Variants in CPQ observed in about 807,000 individuals in gnomAD.
CPQ encodes Ser-Met dipeptidase.
CPQ carries 37 observed loss-of-function variants against 45.7 expected under a neutral mutation model. That is an observed-to-expected ratio of 0.81 (90% CI 0.62 to 1.07). The LOEUF (loss-of-function observed/expected upper bound fraction) is 1.07. Among genes scored for constraint, CPQ ranks in the 50% least tolerant of loss-of-function variants. The pLI is 0.00. For synonymous variants in CPQ, 186 were observed against 205.8 expected (o/e 0.90, Z 0.82); for missense variants, 537 against 572.9 (o/e 0.94, Z 0.64).
chr8:96,688,867 G>A (rs895623448), intron 1 of CPQ, among the ~76,000 whole-genome samples: 1 of 152,098 alleles, frequency 6.6e-6, no homozygotes, highest in African/African-American at 2.4e-5. Flanking sequence ...ATGTTAATAA[G>A]TCCAGAAGTA....
chr8:96,777,036 C>T (rs952007834), intron 1 of CPQ, among the ~76,000 whole-genome samples: 1 of 151,942 alleles, frequency 6.6e-6, no homozygotes, highest in Non-Finnish European at 1.5e-5. Context: ...TTCAAATAGT[C>T]CTATAATTGC....
intron 1 of CPQ, chr8:96,760,929 T>G (rs1283254334): frequency 6.6e-5 from 10 of 152,182 alleles, no homozygotes; most frequent in African/African-American, 2.2e-4. Context: ...ATGGAACTTG[T>G]AATTATGTCA....
At chr8:96,713,665 G>A (rs113701679) in intron 1 of CPQ, among the ~76,000 whole-genome samples, 3,653 of 152,236 alleles carry the variant, frequency 0.024, 160 homozygotes, top group African/African-American at 0.083. Flanking sequence ...TCCTTCCACA[G>A]TGCATGGGGA....
chr8:96,782,077 T>TG (rs1286815108), intron 1 of CPQ, among the ~76,000 whole-genome samples: 1 of 152,192 alleles, frequency 6.6e-6, no homozygotes, highest in African/African-American at 2.4e-5. Context: ...GCTGGCTTTG[T>TG]GTGCTGGTAT....
chr8:97,058,145 G>C (rs1197702642), intron 6 of CPQ, among the ~76,000 whole-genome samples: 1 of 152,102 alleles, frequency 6.6e-6, no homozygotes, highest in African/African-American at 2.4e-5. Flanking sequence ...CTGTAGGCTA[G>C]AGAAAGAAAA....
At chr8:97,008,679 T>C (rs1326382232) in intron 5 of CPQ, among the ~76,000 whole-genome samples, 2 of 152,168 alleles carry the variant, frequency 1.3e-5, no homozygotes, top group Non-Finnish European at 2.9e-5. Context: ...TGCCCATTAT[T>C]ATATATGTGA....
intron 3 of CPQ, among the ~76,000 whole-genome samples, chr8:96,853,282 G>T (rs539676747): frequency 1.1e-3 from 163 of 152,292 alleles, no homozygotes; most frequent in Middle Eastern, 6.8e-3. Context: ...AAAATTCAAG[G>T]CCAGGGCGCT....
chr8:96,805,337 C>T (rs1213279836), intron 2 of CPQ, among the ~76,000 whole-genome samples: 1 of 152,110 alleles, frequency 6.6e-6, no homozygotes, highest in East Asian at 1.9e-4. Flanking sequence ...AATGCTTCCC[C>T]TCTTTTAAAT....
intron 4 of CPQ, among the ~76,000 whole-genome samples, chr8:96,916,515 T>A (rs1310349353): frequency 1.3e-5 from 2 of 152,170 alleles, no homozygotes; most frequent in Non-Finnish European, 2.9e-5. Context: ...AGTTTTAAAT[T>A]TACTGAATTT....
chr8:96,863,153 A>T (rs934196387), intron 3 of CPQ, among the ~76,000 whole-genome samples: 5 of 152,126 alleles, frequency 3.3e-5, no homozygotes, highest in African/African-American at 9.7e-5. Context: ...ATAAATGAAT[A>T]AGAACTTAGT....
chr8:96,970,346 T>G (rs1389758354), intron 5 of CPQ, among the ~76,000 whole-genome samples: 1 of 152,176 alleles, frequency 6.6e-6, no homozygotes, highest in African/African-American at 2.4e-5. Context: ...AGAGCTAGCA[T>G]TGACTGAAGA....
chr8:97,102,980 T>C (rs1811340339), intron 7 of CPQ, among the ~76,000 whole-genome samples: 1 of 152,182 alleles, frequency 6.6e-6, no homozygotes, highest in East Asian at 1.9e-4. Flanking sequence ...TCTATTTCCT[T>C]GCCTTCTAGT....
chr8:96,743,979 C>T (rs1431189916), intron 1 of CPQ, among the ~76,000 whole-genome samples: 2 of 152,234 alleles, frequency 1.3e-5, no homozygotes, highest in Non-Finnish European at 2.9e-5. Context: ...GCAGGCAGGC[C>T]TCCTTGAGCT....
At chr8:96,802,264 T>A (rs1347748358) in intron 2 of CPQ, among the ~76,000 whole-genome samples, 6 of 152,332 alleles carry the variant, frequency 3.9e-5, no homozygotes, top group Middle Eastern at 3.4e-3. Context: ...TAATTAGAGC[T>A]TCTATCTTTT....
chr8:97,133,056 G>A (rs1285203158), intron 7 of CPQ: 2 of 152,154 alleles, frequency 1.3e-5, no homozygotes, highest in African/African-American at 4.8e-5. Flanking sequence ...TGAACCTAGA[G>A]TCATGTGGAA....
Position 96,873,262 on chromosome 8 carries a change from T to C in CPQ, c.642-6536T>C, listed in dbSNP as rs537451109. On this transcript the variant is annotated intron_variant, in intron 3 of 7. Coordinates refer to ENST00000220763, the MANE Select transcript of CPQ (RefSeq NM_016134.4). ...GCCATTTCAAATGAATCATAAAAAT[T>C]AGGAAGGAAATTTAGTCCCATCTCC... is the stretch of plus-strand genomic sequence containing the variant. 8.8e-4 allele frequency among the ~76,000 whole-genome samples: 133 copies of C among 151,972 alleles called. 1 individual carries two copies. The highest frequency in any genetic ancestry group is 2.9e-3 in the South Asian group (14 of 4,834).
At chr8:97,026,909 A>G (rs1809808068) in intron 5 of CPQ, among the ~76,000 whole-genome samples, 1 of 152,252 alleles carries the variant, frequency 6.6e-6, no homozygotes, top group African/African-American at 2.4e-5. Flanking sequence ...TTTGCTTTTA[A>G]AAAATGAATA....
intron 4 of CPQ, among the ~76,000 whole-genome samples, chr8:96,902,547 G>T (rs1270046687): frequency 6.6e-6 from 1 of 152,198 alleles, no homozygotes; most frequent in Non-Finnish European, 1.5e-5. Context: ...GAGAAGAGGG[G>T]TGTAACAGAT....
At chr8:96,867,382 C>A (rs1812009013) in intron 3 of CPQ, among the ~76,000 whole-genome samples, 1 of 151,818 alleles carries the variant, frequency 6.6e-6, no homozygotes, top group African/African-American at 2.4e-5. Flanking sequence ...AGAAAAGGTA[C>A]TGAGAGAAAG....
Sources: allele counts gnomAD v4.1 joint callset (sites outside exome capture counted in the v4.1 genomes callset), GRCh38; gene constraint gnomAD v4.1.1; transcripts MANE v1.5; gene names NCBI Gene and HGNC (gene_info 2026-07-23, HGNC 2026-07-21).